USP13: variants seen among roughly 807,000 people sequenced by gnomAD.
USP13 encodes ubiquitin carboxyl-terminal hydrolase 13.
USP13 carries 68 observed loss-of-function variants against 107.8 expected under a neutral mutation model. The ratio of observed to expected loss-of-function variants is 0.63; its 90% CI spans 0.52 to 0.77. USP13 has a LOEUF of 0.77. Ranked by LOEUF, USP13 falls within the 30% of genes least tolerant of loss-of-function variation. USP13 has a pLI of 0.00. For missense variants in USP13, 945 were observed against 1,093.3 expected (o/e 0.86, Z 1.91); for synonymous variants, 377 against 389.5 (o/e 0.97, Z 0.38).
At chr3:179,714,406 C>T (rs924329531) in intron 6 of USP13, among the ~76,000 whole-genome samples, 1 of 152,210 alleles carries the variant, frequency 6.6e-6, no homozygotes, top group South Asian at 2.1e-4. Context: ...GGCCTGGCCT[C>T]GGCCCCTGCT....
intron 19 of USP13, among the ~76,000 whole-genome samples, chr3:179,773,331 A>T (rs552095348): frequency 6.6e-6 from 1 of 152,302 alleles, no homozygotes; most frequent in African/African-American, 2.4e-5. Flanking sequence ...AGTTTTTCTC[A>T]CCAGAGGACT....
intron 10 of USP13, among the ~76,000 whole-genome samples, chr3:179,735,690 T>G (rs1576964092): frequency 6.6e-6 from 1 of 152,206 alleles, no homozygotes; most frequent in East Asian, 1.9e-4. Flanking sequence ...TATGCATCTG[T>G]AACTATAATA....
intron 8 of USP13, among the ~76,000 whole-genome samples, chr3:179,728,480 C>T (rs1437373222): frequency 3.3e-5 from 5 of 149,986 alleles, no homozygotes; most frequent in Admixed American, 6.6e-5. Context: ...CGGGCAGAGA[C>T]GCTCCTCACT....
rs1715154960 is a variant in USP13 at position 179,765,802 on chromosome 3, T to G, written c.2367T>G (p.Ile789Met). 1 of 1,614,042 alleles carries G rather than the reference T, an allele frequency of 6.2e-7. No individual in the cohort carries two copies. Among genetic ancestry groups the G allele is most frequent in the South Asian group, 1.1e-5 (1 of 91,074 alleles). ...EMENNANANI[I>M]SEAKPEGPRV... ...AGAATAATGCCAATGCAAACATTAT[T>G]TCTGAGGCCAAGCCCGAAGGACCTA... Residue 789 changes from isoleucine to methionine, a missense_variant, in exon 19 of 21, where the codon ATT (isoleucine) becomes ATG (methionine). Ile to Met is a conservative substitution (Grantham distance 10). Coordinates refer to ENST00000263966, the MANE Select transcript of USP13 (RefSeq NM_003940.3).
intron 1 of USP13, among the ~76,000 whole-genome samples, chr3:179,661,342 G>T (rs1005506247): frequency 6.6e-6 from 1 of 152,154 alleles, no homozygotes. Context: ...CTCAACCATA[G>T]ATGTCATATG....
intron 3 of USP13, among the ~76,000 whole-genome samples, chr3:179,697,126 CT>C (rs368030041): frequency 1.3e-5 from 2 of 151,694 alleles, no homozygotes; most frequent in Non-Finnish European, 2.9e-5. Context: ...TTAAATTCCA[CT>C]TTTTTTTGGC....
chr3:179,775,420 A>G (rs1049091615), intron 19 of USP13, among the ~76,000 whole-genome samples: 3 of 152,236 alleles, frequency 2.0e-5, no homozygotes. Flanking sequence ...AAAGTTCTCC[A>G]AGTCCCCACC....
At position 179,742,510 on chromosome 3, in the gene USP13, G is replaced by C. The variant is rs9843887; in HGVS notation, c.1534+160G>C. ...TTTTCATCTCTTTGTTAGTTCCCATGTGACTTTTCCTTTGAGAAGAATCAA... is the reference window on the plus strand; with the variant it reads ...TTTTCATCTCTTTGTTAGTTCCCATCTGACTTTTCCTTTGAGAAGAATCAA... On this transcript the variant is annotated intron_variant, in intron 12 of 20. Coordinates refer to ENST00000263966, the MANE Select transcript of USP13 (RefSeq NM_003940.3). The surrounding 1 kb of genome is among the most constrained non-coding windows in gnomAD (Gnocchi z 5.0). 0.028 allele frequency among the ~76,000 whole-genome samples: 4,237 copies of C among 152,304 alleles called. 191 individuals are homozygous for C. Among genetic ancestry groups the C allele is most frequent in the African/African-American group, 0.097 (4,035 of 41,542 alleles).
At chr3:179,779,755 G>GA (rs1329925966) in intron 19 of USP13, among the ~76,000 whole-genome samples, 4 of 144,726 alleles carry the variant, frequency 2.8e-5, no homozygotes, top group African/African-American at 5.0e-5. Flanking sequence ...AAAAAAGAAA[G>GA]AAAAAAAACC....
Position 179,742,167 on chromosome 3 carries a change from T to C in USP13, c.1381-30T>C. ...GTCTTAGTGGCTCAATATTCATACA[T>C]TTACTAACCTGATACAATCCATCCT... On this transcript the variant is annotated intron_variant, in intron 11 of 20. Transcript: ENST00000263966. This position sits in a 1 kb window ranked among gnomAD's most constrained non-coding sequence, Gnocchi z 5.0. 1.9e-6 allele frequency: 3 copies of C among 1,613,838 alleles called. No individual in the cohort carries two copies. Among genetic ancestry groups the C allele is most frequent in the Non-Finnish European group, 2.5e-6 (3 of 1,179,738 alleles).
intron 6 of USP13, among the ~76,000 whole-genome samples, chr3:179,716,939 C>T (rs942257075): frequency 1.3e-5 from 2 of 152,148 alleles, no homozygotes; most frequent in African/African-American, 4.8e-5. Context: ...ATTGCTGCCT[C>T]ATGCTCTTGT....
At chr3:179,779,232 TAA>T (rs71182517) in intron 19 of USP13, among the ~76,000 whole-genome samples, 25 of 145,006 alleles carry the variant, frequency 1.7e-4, no homozygotes, top group Admixed American at 4.8e-4. Context: ...TGACTTCCAT[TAA>T]AAAAAAAAAG....
chr3:179,705,650 C>T (rs907554704), intron 4 of USP13, among the ~76,000 whole-genome samples: 2 of 152,090 alleles, frequency 1.3e-5, no homozygotes, highest in African/African-American at 4.8e-5. Context: ...TATGTACATA[C>T]AACATTTTGT....
chr3:179,769,168 A>T (rs909406652), intron 19 of USP13, among the ~76,000 whole-genome samples: 3 of 152,198 alleles, frequency 2.0e-5, no homozygotes, highest in Non-Finnish European at 2.9e-5. Context: ...TAATGTAATT[A>T]ACATGTGATT....
At chr3:179,688,118 C>CATCCATCCATCT (rs1434633869) in intron 2 of USP13, among the ~76,000 whole-genome samples, 1 of 150,116 alleles carries the variant, frequency 6.7e-6, no homozygotes, top group Non-Finnish European at 1.5e-5. Context: ...TCCATCCATC[C>CATCCATCCATCT]ATCCATCCAT....
chr3:179,737,181 G>A (rs146717076), intron 10 of USP13, among the ~76,000 whole-genome samples: 15 of 152,256 alleles, frequency 9.9e-5, no homozygotes, highest in Non-Finnish European at 1.9e-4. Flanking sequence ...TGAGATGTTG[G>A]CACATGTATA....
intron 1 of USP13, among the ~76,000 whole-genome samples, chr3:179,663,670 C>T (rs1720514126): frequency 6.6e-6 from 1 of 152,186 alleles, no homozygotes; most frequent in African/African-American, 2.4e-5. Flanking sequence ...GCCTTGAAAT[C>T]CTCAATGGTG....
chr3:179,658,383 G>A (rs904718161), intron 1 of USP13, among the ~76,000 whole-genome samples: 2 of 152,186 alleles, frequency 1.3e-5, no homozygotes, highest in Non-Finnish European at 2.9e-5. Flanking sequence ...TCTGTGTCAT[G>A]CCGCACAGCG....
At position 179,781,205 on chromosome 3, in the gene USP13, A is replaced by C. The variant is rs12488016; in HGVS notation, c.2414-534A>C. ...CGTTATAATCATGAGCAAGTGAAAAATCTTGCACAAAGCATTATCCTTTTC... is the reference window on the plus strand; with the variant it reads ...CGTTATAATCATGAGCAAGTGAAAACTCTTGCACAAAGCATTATCCTTTTC... On this transcript the variant is annotated intron_variant, in intron 19 of 20. Coordinates refer to ENST00000263966, the MANE Select transcript of USP13 (RefSeq NM_003940.3). Among the ~76,000 whole-genome samples the C allele has an allele frequency of 3.1e-3, 468 of 152,332 alleles. 1 individual carries two copies. Among genetic ancestry groups the C allele is most frequent in the Middle Eastern group, 0.01 (3 of 294 alleles).
Sources: gnomAD v4.1 joint callset for allele counts (sites outside exome capture counted in the v4.1 genomes callset) on GRCh38, gnomAD v4.1.1 for gene constraint, Gnocchi (gnomAD v3.1) non-coding constraint, MANE v1.5 for transcripts, NCBI Gene and HGNC (gene_info 2026-07-23, HGNC 2026-07-21) for gene names.